ADAM18: variants seen among roughly 807,000 people sequenced by gnomAD.
ADAM18 encodes ADAM metallopeptidase domain 18, also known as disintegrin and metalloproteinase domain-containing protein 18.
A neutral mutation model predicts 94.4 loss-of-function variants in ADAM18; 117 were observed. The ratio of observed to expected loss-of-function variants is 1.24; its 90% CI spans 1.07 to 1.45. ADAM18 has a LOEUF of 1.45. Among genes scored for constraint, ADAM18 ranks in the 40% most tolerant of loss-of-function variants. ADAM18 has a pLI of 0.00. For missense variants in ADAM18, 936 were observed against 880.0 expected, an observed-to-expected ratio of 1.06 and a Z score of -0.81; for synonymous variants, 327 against 291.6, an observed-to-expected ratio of 1.12 and a Z score of -1.24.
At chr8:39,661,893 A>G (rs1277572517) in intron 12 of ADAM18, among the ~76,000 whole-genome samples, 1 of 151,308 alleles carries the variant, frequency 6.6e-6, no homozygotes, top group East Asian at 1.9e-4. Flanking sequence ...AAGACTACCT[A>G]GAACATATCC....
intron 2 of ADAM18, among the ~76,000 whole-genome samples, chr8:39,597,493 T>G (rs924644144): frequency 1.3e-5 from 2 of 152,200 alleles, no homozygotes; most frequent in African/African-American, 4.8e-5. Flanking sequence ...TTTTTTACGT[T>G]TGGATATCCA....
chr8:39,617,455 A>G (rs1402696609), intron 6 of ADAM18, among the ~76,000 whole-genome samples: 4 of 152,170 alleles, frequency 2.6e-5, no homozygotes, highest in African/African-American at 9.7e-5. Context: ...AGAACATGGA[A>G]CTATCATTCG....
rs1201125424 is a variant in ADAM18 at position 39,689,608 on chromosome 8, A to G, written c.1822-2992A>G. Among the ~76,000 whole-genome samples the G allele has an allele frequency of 2.6e-5, 4 of 152,188 alleles. No homozygotes were observed. In the South Asian group the frequency reaches 8.3e-4, roughly 32 times the overall value. ...TTTGGTTACTGTAGCCCTGTAGGAT[A>G]GTTTGAAGTCAGGCAGCATGATGCT... On this transcript the variant is annotated intron_variant, in intron 16 of 19. Transcript: ENST00000265707.
intron 12 of ADAM18, among the ~76,000 whole-genome samples, chr8:39,650,827 C>G (rs1327025637): frequency 6.6e-6 from 1 of 152,208 alleles, no homozygotes; most frequent in Admixed American, 6.5e-5. Flanking sequence ...CACCTGTGGG[C>G]GTTTCTTGTC....
intron 2 of ADAM18, among the ~76,000 whole-genome samples, chr8:39,586,975 C>T (rs1045265775): frequency 2.0e-4 from 31 of 152,164 alleles, no homozygotes; most frequent in African/African-American, 7.5e-4. Flanking sequence ...AGTATTCATT[C>T]GTTGTCTACA....
At chr8:39,720,237 A>G (rs1298684505) in intron 18 of ADAM18, among the ~76,000 whole-genome samples, 8 of 151,546 alleles carry the variant, frequency 5.3e-5, no homozygotes. Context: ...CTATTTATAT[A>G]TAAGTATAAA....
intron 12 of ADAM18, among the ~76,000 whole-genome samples, chr8:39,663,443 A>G (rs1345337449): frequency 5.6e-5 from 8 of 141,738 alleles, no homozygotes; most frequent in Non-Finnish European, 1.2e-4. Flanking sequence ...AAAAAAAAAG[A>G]AAAAAAATAT....
intron 12 of ADAM18, among the ~76,000 whole-genome samples, chr8:39,652,957 A>G (rs1278937117): frequency 6.6e-6 from 1 of 152,166 alleles, no homozygotes; most frequent in African/African-American, 2.4e-5. Flanking sequence ...CTTCTCACTT[A>G]TTGTGGAATC....
intron 6 of ADAM18, among the ~76,000 whole-genome samples, chr8:39,614,620 T>C (rs1273328701): frequency 2.0e-5 from 3 of 152,150 alleles, no homozygotes; most frequent in Non-Finnish European, 2.9e-5. Flanking sequence ...CATATCAATA[T>C]TAACTTTGAA....
intron 9 of ADAM18, 61 bp from the exon 10 acceptor site, chr8:39,638,404 A>G: frequency 8.6e-7 from 1 of 1,162,958 alleles, no homozygotes; most frequent in Non-Finnish European, 1.2e-6. Context: ...GGTTTAATTT[A>G]ATACATAAGC....
At chr8:39,591,028 AGTT>A (rs2129458020) in intron 2 of ADAM18, among the ~76,000 whole-genome samples, 1 of 152,334 alleles carries the variant, frequency 6.6e-6, no homozygotes, top group South Asian at 2.1e-4. Flanking sequence ...TATATACTAT[AGTT>A]TATTAAGTGT....
chr8:39,672,352 G>GA (rs2129580337), intron 14 of ADAM18, among the ~76,000 whole-genome samples: 1 of 152,220 alleles, frequency 6.6e-6, no homozygotes, highest in Admixed American at 6.5e-5. Context: ...ATAAGATCTG[G>GA]AAAAATCAAG....
At chr8:39,622,730 T>C (rs1477672563) in intron 6 of ADAM18, among the ~76,000 whole-genome samples, 2 of 152,178 alleles carry the variant, frequency 1.3e-5, no homozygotes, top group Non-Finnish European at 2.9e-5. Flanking sequence ...ATTTTACAGA[T>C]ACGTAACTGA....
chr8:39,682,604 G>A (rs186499354), intron 16 of ADAM18, among the ~76,000 whole-genome samples: 47 of 152,210 alleles, frequency 3.1e-4, no homozygotes, highest in Admixed American at 2.3e-3. Context: ...TTTCAGAATT[G>A]CTATGGACCA....
intron 18 of ADAM18, among the ~76,000 whole-genome samples, chr8:39,708,086 T>G (rs914229839): frequency 6.6e-6 from 1 of 152,194 alleles, no homozygotes; most frequent in Non-Finnish European, 1.5e-5. Context: ...CAGAAAGGAA[T>G]GATGGGAGAT....
intron 6 of ADAM18, among the ~76,000 whole-genome samples, chr8:39,620,329 A>C (rs13260129): frequency 0.56 from 77,249 of 137,052 alleles, 23,648 homozygotes; most frequent in Non-Finnish European, 0.69. Flanking sequence ...TTTTTTAGAC[A>C]GGACCTCAAA....
chr8:39,618,310 TTTA>T (rs1165986101), intron 6 of ADAM18, among the ~76,000 whole-genome samples: 1 of 152,096 alleles, frequency 6.6e-6, no homozygotes, highest in African/African-American at 2.4e-5. Flanking sequence ...TATACCAGCA[TTTA>T]TTATTAAGTT....
rs148280112 is a variant in ADAM18 at position 39,729,217 on chromosome 8, C to T, written c.2178-681C>T. 7.1e-4 allele frequency among the ~76,000 whole-genome samples: 108 copies of T among 152,164 alleles called. 1 individual carries two copies. The highest frequency in any genetic ancestry group is 2.2e-3 in the African/African-American group (93 of 41,506). ...CAATGAGGAGTTATTCTTTACTGAG[C>T]ACAGAATTTCACTTTTGCAAGATGA... On this transcript the variant is annotated intron_variant, in intron 19 of 19. Transcript: ENST00000265707.
At chr8:39,595,672 C>T (rs186106345) in intron 2 of ADAM18, among the ~76,000 whole-genome samples, 2 of 152,068 alleles carry the variant, frequency 1.3e-5, no homozygotes, top group Non-Finnish European at 2.9e-5. Context: ...GAGGTGCACA[C>T]CACCATACCT....
Sources: allele counts gnomAD v4.1 joint callset (sites outside exome capture counted in the v4.1 genomes callset), GRCh38; gene constraint gnomAD v4.1.1; transcripts MANE v1.5; gene names NCBI Gene and HGNC (gene_info 2026-07-23, HGNC 2026-07-21).